DZIP3: variants seen among roughly 807,000 people sequenced by gnomAD.
The protein encoded by DZIP3 is E3 ubiquitin-protein ligase DZIP3.
In DZIP3, 118 loss-of-function variants were observed where a neutral mutation model predicts 162.0. The ratio of observed to expected loss-of-function variants is 0.73; its 90% CI spans 0.63 to 0.85. The LOEUF (loss-of-function observed/expected upper bound fraction) is 0.85, where lower values mean the gene tolerates loss of function less well. DZIP3 is among the 40% of genes least tolerant of loss of function. The probability of loss-of-function intolerance (pLI) is 0.00; values close to 1 mark genes in which losing one functional copy is unlikely to be tolerated. For missense variants in DZIP3, 1,331 were observed against 1,407.0 expected, an observed-to-expected ratio of 0.95 and a Z score of 0.86; for synonymous variants, 438 against 458.6, an observed-to-expected ratio of 0.96 and a Z score of 0.57.
intron 13 of DZIP3, among the ~76,000 whole-genome samples, chr3:108,643,928 T>C (rs909673376): frequency 1.3e-5 from 2 of 152,176 alleles, no homozygotes; most frequent in Non-Finnish European, 2.9e-5. Flanking sequence ...GAAAGACTTC[T>C]GTGGTGATTA....
At chr3:108,607,593 C>A (rs1263175671) in intron 2 of DZIP3, among the ~76,000 whole-genome samples, 1 of 152,078 alleles carries the variant, frequency 6.6e-6, no homozygotes, top group African/African-American at 2.4e-5. Context: ...GTCAAGTGAT[C>A]CCTTATTACT....
intron 31 of DZIP3, among the ~76,000 whole-genome samples, 180 bp downstream of exon 31, chr3:108,689,104 G>T (rs892229381): frequency 3.3e-5 from 5 of 152,100 alleles, no homozygotes; most frequent in Non-Finnish European, 7.3e-5. Context: ...GGATTGCATT[G>T]TGCTCTCTCA....
chr3:108,642,362 A>G, intron 12 of DZIP3, 76 bp from the exon 13 acceptor site: 1 of 1,382,542 alleles, frequency 7.2e-7, no homozygotes, highest in South Asian at 1.4e-5. Context: ...TCACTTAGCC[A>G]TGCTCATACT....
At chr3:108,606,639 TTGGC>T (rs1289368270) in intron 2 of DZIP3, among the ~76,000 whole-genome samples, 1 of 152,152 alleles carries the variant, frequency 6.6e-6, no homozygotes, top group East Asian at 1.9e-4. Context: ...AAAAGGTCAT[TTGGC>T]TGAGCTGAGG....
At chr3:108,656,754 C>T (rs1042957985) in intron 19 of DZIP3, among the ~76,000 whole-genome samples, 86 of 152,128 alleles carry the variant, frequency 5.7e-4, no homozygotes, top group African/African-American at 2.0e-3. Context: ...AAAAATTAGA[C>T]GAATGGCTAA....
chr3:108,652,517 A>G (rs201815062), intron 18 of DZIP3, among the ~76,000 whole-genome samples: 1 of 151,892 alleles, frequency 6.6e-6, no homozygotes, highest in East Asian at 1.9e-4. Context: ...ATTACAATGA[A>G]GCTAAAAAAT....
intron 14 of DZIP3, 58 bp from the exon 15 acceptor site, chr3:108,646,559 G>C: frequency 8.3e-7 from 1 of 1,201,534 alleles, no homozygotes. Context: ...ATCCTAGCCA[G>C]ACATTCATTT....
chr3:108,608,085 AT>A lies in DZIP3; in HGVS notation c.33-3del. 6.2e-7 allele frequency: 1 copy of A among 1,610,648 alleles called. No individual in the cohort carries two copies. Among genetic ancestry groups the A allele is most frequent in the Non-Finnish European group, 8.5e-7 (1 of 1,177,624 alleles). On this transcript the variant is annotated splice_polypyrimidine_tract_variant and splice_region_variant and intron_variant, in intron 2 of 32. Coordinates refer to ENST00000361582, the MANE Select transcript of DZIP3 (RefSeq NM_014648.4). Reference sequence around the variant, plus strand: ...TTAATATACCTCATTTTCATTTAAAATAGGCATCCTGCTGTGGAGGATCAGA... The same window carrying A: ...TTAATATACCTCATTTTCATTTAAAAAGGCATCCTGCTGTGGAGGATCAGA...
rs1456611917 is a variant in DZIP3 at position 108,693,969 on chromosome 3, T to C, written c.*616T>C. 6.6e-6 allele frequency: 1 copy of C among 152,094 alleles called. No individual in the cohort carries two copies. The highest frequency in any genetic ancestry group is 1.5e-5 in the Non-Finnish European group (1 of 68,012). 9.4% of individuals were successfully genotyped at this position (152,094 alleles called of 1,614,324 possible). A position where few individuals can be genotyped will look rare whatever the true frequency, so the allele number is the denominator to read the frequency against. ...GGTCAAAAACCTATTTTGAAAATAG[T>C]GTTGTGTGAATGCTGTAAGTGTTGT... is the stretch of plus-strand genomic sequence containing the variant. On this transcript the variant is annotated 3_prime_UTR_variant, in exon 33 of 33. Coordinates refer to ENST00000361582, the MANE Select transcript of DZIP3 (RefSeq NM_014648.4).
intron 21 of DZIP3, among the ~76,000 whole-genome samples, chr3:108,667,739 G>C (rs569719691): frequency 1.7e-4 from 26 of 152,188 alleles, no homozygotes; most frequent in Middle Eastern, 6.8e-3. Flanking sequence ...ATTTTAAAAA[G>C]TACATAATGA....
intron 24 of DZIP3, among the ~76,000 whole-genome samples, chr3:108,674,786 G>A (rs1291538974): frequency 1.3e-5 from 2 of 151,836 alleles, no homozygotes; most frequent in African/African-American, 4.8e-5. Flanking sequence ...ATCTCATGGG[G>A]TACACCAAAC....
chr3:108,692,141 C>T (rs1319676391), intron 32 of DZIP3, among the ~76,000 whole-genome samples: 2 of 151,950 alleles, frequency 1.3e-5, no homozygotes, highest in East Asian at 1.9e-4. Flanking sequence ...AGGCCAAGAA[C>T]ATTTTGGCTT....
intron 17 of DZIP3, among the ~76,000 whole-genome samples, chr3:108,649,270 C>T (rs1156952257): frequency 6.6e-6 from 1 of 151,832 alleles, no homozygotes; most frequent in Non-Finnish European, 1.5e-5. Context: ...AATGCGTACT[C>T]ATTGTTTTAA....
At chr3:108,643,593 G>A (rs1187461044) in intron 13 of DZIP3, among the ~76,000 whole-genome samples, 1 of 150,406 alleles carries the variant, frequency 6.6e-6, no homozygotes, top group African/African-American at 2.5e-5. Context: ...TCTTGATATA[G>A]ATCTGAGCTA....
rs573287983 is a variant in DZIP3, at chr3:108,628,038, C to G, written c.582-1024C>G. Among the ~76,000 whole-genome samples, 4 of 152,296 alleles carry G rather than the reference C, an allele frequency of 2.6e-5. No individual in the cohort carries two copies. The East Asian group carries it at 5.8e-4, about 22-fold the overall frequency. On this transcript the variant is annotated intron_variant, in intron 7 of 32. Coordinates refer to ENST00000361582, the MANE Select transcript of DZIP3 (RefSeq NM_014648.4). ...GGATTACAGGCATGCGCCATCATGCCTGGCTCATTTTTGTATTTTTAGTAG... is the reference window on the plus strand; with the variant it reads ...GGATTACAGGCATGCGCCATCATGCGTGGCTCATTTTTGTATTTTTAGTAG...
At chr3:108,660,261 A>G (rs1374892304) in intron 19 of DZIP3, among the ~76,000 whole-genome samples, 1 of 152,202 alleles carries the variant, frequency 6.6e-6, no homozygotes, top group Non-Finnish European at 1.5e-5. Context: ...ACAGTAACGA[A>G]AACAGCATGG....
At chr3:108,606,790 T>TA (rs1261829631) in intron 2 of DZIP3, among the ~76,000 whole-genome samples, 2 of 152,204 alleles carry the variant, frequency 1.3e-5, no homozygotes, top group East Asian at 3.8e-4. Flanking sequence ...TAATGGAGCC[T>TA]ATAGAAAATA....
chr3:108,662,933 C>A lies in DZIP3; in HGVS notation c.2423+676C>A, dbSNP rs1486860906. On this transcript the variant is annotated intron_variant, in intron 21 of 32. Coordinates refer to ENST00000361582, the MANE Select transcript of DZIP3 (RefSeq NM_014648.4). ...ATAAGACACCAGCCATCCAAGAAGT[C>A]TAGTTTAAAATCCATTGCAGTTTCT... Among the ~76,000 whole-genome samples the A allele has an allele frequency of 2.6e-5, 4 of 152,296 alleles. No homozygotes were observed. In the East Asian group the frequency reaches 7.7e-4, roughly 29 times the overall value.
At chr3:108,661,765 G>A in intron 19 of DZIP3, 112 bp from the exon 20 acceptor site, 1 of 729,886 alleles carries the variant, frequency 1.4e-6, no homozygotes, top group South Asian at 2.1e-5. Context: ...TTGAGTGTTT[G>A]ACTTGAGACA....
Sources: allele counts gnomAD v4.1 joint callset (sites outside exome capture counted in the v4.1 genomes callset), GRCh38; gene constraint gnomAD v4.1.1; transcripts MANE v1.5; gene names NCBI Gene and HGNC (gene_info 2026-07-23, HGNC 2026-07-21).